The following ARHGEF10L variants were observed in gnomAD, a reference collection of about 807,000 sequenced individuals.
The protein encoded by ARHGEF10L is rho guanine nucleotide exchange factor 10-like protein.
Under a neutral mutation model 141.2 loss-of-function variants are expected in ARHGEF10L, and 69 were observed. The ratio of observed to expected loss-of-function variants is 0.49; its 90% CI spans 0.40 to 0.60. The LOEUF (loss-of-function observed/expected upper bound fraction) is 0.60, where lower values mean the gene tolerates loss of function less well. Among genes scored for constraint, ARHGEF10L ranks in the 20% least tolerant of loss-of-function variants. The pLI, the probability that ARHGEF10L is intolerant of heterozygous loss-of-function variation, is 0.00. For synonymous variants in ARHGEF10L, 711 were observed against 718.5 expected (o/e 0.99, Z 0.17); for missense variants, 1,482 against 1,734.3 (o/e 0.85, Z 2.58).
intron 1 of ARHGEF10L, among the ~76,000 whole-genome samples, chr1:17,570,561 C>T (rs550450080): frequency 4.6e-5 from 7 of 151,830 alleles, no homozygotes; most frequent in African/African-American, 1.5e-4. Flanking sequence ...GGCTCTGACA[C>T]GTGGGGCCTC....
chr1:17,514,191 C>T, the ARHGEF10L span, among the ~76,000 whole-genome samples: 1 of 119,418 alleles, frequency 8.4e-6, no homozygotes, highest in Non-Finnish European at 1.6e-5. Context: ...GGCTGGAGTA[C>T]AGTGGCATGA....
At position 17,563,517 on chromosome 1, in the gene ARHGEF10L, G is replaced by A. The variant is rs146527688; in HGVS notation, c.-43-17036G>A. ...CCCAAAGTGCTGGAGTTACAGGCAT[G>A]AGCCACTGTGCCCAGGCCCTTTTTC... On this transcript the variant is annotated intron_variant, in intron 1 of 28. Coordinates refer to ENST00000361221, the MANE Select transcript of ARHGEF10L (RefSeq NM_018125.4). Among the ~76,000 whole-genome samples the A allele has an allele frequency of 2.0e-5, 3 of 152,316 alleles. No individual in the cohort carries two copies. The East Asian group carries it at 5.8e-4, about 29-fold the overall frequency.
chr1:17,564,018 G>A (rs563031193), intron 1 of ARHGEF10L, among the ~76,000 whole-genome samples: 3 of 152,200 alleles, frequency 2.0e-5, no homozygotes, highest in Non-Finnish European at 4.4e-5. Context: ...GAGCCAGGTT[G>A]GGAGAGAGAT....
At chr1:17,554,390 G>T (rs900761830) in intron 1 of ARHGEF10L, among the ~76,000 whole-genome samples, 7 of 152,066 alleles carry the variant, frequency 4.6e-5, no homozygotes, top group Admixed American at 4.6e-4. Context: ...GGGAGACAGA[G>T]GAGCTGAGGG....
At chr1:17,658,149 C>A (rs932371281) in intron 25 of ARHGEF10L, among the ~76,000 whole-genome samples, 1 of 152,184 alleles carries the variant, frequency 6.6e-6, no homozygotes, top group African/African-American at 2.4e-5. Flanking sequence ...TGTCTGTGTG[C>A]AAATTTCACT....
intron 27 of ARHGEF10L, chr1:17,689,830 A>G (rs1249687933): frequency 4.4e-6 from 2 of 455,922 alleles, no homozygotes; most frequent in South Asian, 3.1e-5. Flanking sequence ...TGCGCAGAGG[A>G]GAGTGAGAGA....
At chr1:17,585,700 T>C (rs2078968457) in intron 2 of ARHGEF10L, among the ~76,000 whole-genome samples, 2 of 151,818 alleles carry the variant, frequency 1.3e-5, no homozygotes, top group South Asian at 4.2e-4. Flanking sequence ...TGTAGGGGAG[T>C]GACTGGATTT....
At chr1:17,571,135 A>G (rs905487347) in intron 1 of ARHGEF10L, among the ~76,000 whole-genome samples, 3 of 152,184 alleles carry the variant, frequency 2.0e-5, no homozygotes, top group African/African-American at 7.2e-5. Flanking sequence ...CAGGTGACCC[A>G]GGTGGCCCAG....
the ARHGEF10L span, among the ~76,000 whole-genome samples, chr1:17,514,458 C>CA: frequency 9.2e-5 from 14 of 152,204 alleles, no homozygotes; most frequent in South Asian, 2.9e-3. Context: ...ATTTCTGAGG[C>CA]AGAGAATGTG....
intron 8 of ARHGEF10L, 28 bp from the exon 9 acceptor site, chr1:17,616,066 C>A: frequency 6.2e-7 from 1 of 1,603,656 alleles, no homozygotes; most frequent in African/African-American, 1.3e-5. Context: ...CCGTCCCTTC[C>A]CTGATGAGCC....
chr1:17,685,323 C>T (rs1343612647), intron 26 of ARHGEF10L, among the ~76,000 whole-genome samples: 2 of 152,234 alleles, frequency 1.3e-5, no homozygotes, highest in East Asian at 3.9e-4. Context: ...CTGGTGCAAT[C>T]TGGCCCTACC....
intron 1 of ARHGEF10L, among the ~76,000 whole-genome samples, chr1:17,555,188 A>AGTATT (rs1472662216): frequency 6.6e-6 from 1 of 151,960 alleles, no homozygotes; most frequent in Admixed American, 6.6e-5. Context: ...TAACATGTGG[A>AGTATT]GTATTGTTAT....
chr1:17,674,054 C>T (rs1003639288), intron 26 of ARHGEF10L, among the ~76,000 whole-genome samples: 1 of 152,212 alleles, frequency 6.6e-6, no homozygotes, highest in African/African-American at 2.4e-5. Flanking sequence ...GCACCATCCT[C>T]CCTCCAGATG....
At chr1:17,672,489 T>G (rs2063387801) in intron 26 of ARHGEF10L, among the ~76,000 whole-genome samples, 1 of 152,158 alleles carries the variant, frequency 6.6e-6, no homozygotes. Context: ...GAGCGCCTGG[T>G]GTCTGGGCCA....
chr1:17,694,693 C>T lies in ARHGEF10L; in HGVS notation c.3185-465C>T, dbSNP rs12568540. 3.3e-3 allele frequency: 1,121 copies of T among 344,532 alleles called. 43 individuals carry two copies. The East Asian group carries it at 0.072, about 22-fold the overall frequency. 21.3% of individuals were successfully genotyped at this position (344,532 alleles called of 1,614,324 possible). A position where few individuals can be genotyped will look rare whatever the true frequency, so the allele number is the denominator to read the frequency against. The stretch of plus-strand genomic sequence containing the variant: ...GCAGCAGAGCCACCTCGATGCCTCT[C>T]GAGCCCCACCCGGCCCTACTTATGC... On this transcript the variant is annotated intron_variant, in intron 27 of 28. Coordinates refer to ENST00000361221, the MANE Select transcript of ARHGEF10L (RefSeq NM_018125.4).
At chr1:17,622,607 T>C (rs1380939075) in intron 11 of ARHGEF10L, among the ~76,000 whole-genome samples, 2 of 152,170 alleles carry the variant, frequency 1.3e-5, no homozygotes, top group Non-Finnish European at 2.9e-5. Context: ...ATATATCACC[T>C]GTCTCTGACA....
chr1:17,651,266 G>T (rs1315498636), intron 22 of ARHGEF10L, among the ~76,000 whole-genome samples: 1 of 152,190 alleles, frequency 6.6e-6, no homozygotes, highest in Admixed American at 6.5e-5. Flanking sequence ...AAGGGAGGTG[G>T]ACACATTGGG....
the ARHGEF10L span, among the ~76,000 whole-genome samples, chr1:17,522,006 C>T: frequency 6.6e-6 from 1 of 152,214 alleles, no homozygotes; most frequent in South Asian, 2.1e-4. Context: ...GGACCAATGG[C>T]TCATGACTCC....
At position 17,619,364 on chromosome 1, in the gene ARHGEF10L, G is replaced by C. The variant is rs536435630; in HGVS notation, c.861G>C (p.Gly287=). The C allele has an allele frequency of 3.1e-5, 50 of 1,613,264 alleles. No individual in the cohort carries two copies. The East Asian group carries it at 1.1e-3, about 35-fold the overall frequency. ...GTGACTCGGAGGAGGAGGACATGGG[G>C]CTCCTGGAGGTCAGCGTTTCGGACA... is the stretch of plus-strand genomic sequence containing the variant. ...VLGDSEEEDM[G]LLEVSVSDIK... is the part of the protein sequence containing the mutation. Residue 287 remains glycine (G), a synonymous_variant, in exon 10 of 29, where the codon GGG becomes GGC. Coordinates refer to ENST00000361221, the MANE Select transcript of ARHGEF10L (RefSeq NM_018125.4). This position sits in a 1 kb window ranked among gnomAD's most constrained non-coding sequence, Gnocchi z 5.0.
Sources: allele counts gnomAD v4.1 joint callset (sites outside exome capture counted in the v4.1 genomes callset), GRCh38; gene constraint gnomAD v4.1.1; non-coding constraint Gnocchi (gnomAD v3.1); transcripts MANE v1.5; gene names NCBI Gene and HGNC (gene_info 2026-07-23, HGNC 2026-07-21).